The following FNBP1L variants were observed in gnomAD, a reference collection of about 807,000 sequenced individuals.
The protein encoded by FNBP1L is formin-binding protein 1-like.
In FNBP1L, 36 loss-of-function variants were observed where a neutral mutation model predicts 91.2. The ratio of observed to expected loss-of-function variants is 0.39; its 90% CI spans 0.30 to 0.52. The LOEUF (loss-of-function observed/expected upper bound fraction) is 0.52, where lower values mean the gene tolerates loss of function less well. FNBP1L is among the 20% of genes least tolerant of loss of function. The pLI, the probability that FNBP1L is intolerant of heterozygous loss-of-function variation, is 0.66. For synonymous variants in FNBP1L, 242 were observed against 237.0 expected (o/e 1.02, Z -0.19); for missense variants, 571 against 732.1 (o/e 0.78, Z 2.54).
intron 12 of FNBP1L, among the ~76,000 whole-genome samples, chr1:93,545,894 A>C (rs1207790484): frequency 6.6e-6 from 1 of 152,130 alleles, no homozygotes; most frequent in African/African-American, 2.4e-5. Flanking sequence ...TAATTGCAAC[A>C]ATAAGAAAAA....
chr1:93,551,551 T>G, intron 16 of FNBP1L: 1 of 985,702 alleles, frequency 1.0e-6, no homozygotes. Context: ...GAGTGGTTTC[T>G]TCTAGAAGTT....
chr1:93,549,560 G>T, intron 15 of FNBP1L, 134 bp downstream of exon 15: 1 of 677,758 alleles, frequency 1.5e-6, no homozygotes, highest in Non-Finnish European at 2.3e-6. Flanking sequence ...TCTTTAGTAT[G>T]CATACTTTTG....
At chr1:93,514,428 A>G (rs1266124732) in intron 2 of FNBP1L, among the ~76,000 whole-genome samples, 3 of 151,356 alleles carry the variant, frequency 2.0e-5, no homozygotes, top group Non-Finnish European at 4.4e-5. Flanking sequence ...TTTAAAGTTC[A>G]TATGGAACCA....
intron 12 of FNBP1L, among the ~76,000 whole-genome samples, chr1:93,546,192 A>G (rs1672228511): frequency 1.3e-5 from 2 of 152,110 alleles, no homozygotes; most frequent in East Asian, 3.9e-4. Flanking sequence ...GGAGATTGTG[A>G]GAAAGCAGAG....
chr1:93,472,676 T>C (rs978281683), intron 1 of FNBP1L, among the ~76,000 whole-genome samples: 1 of 151,660 alleles, frequency 6.6e-6, no homozygotes, highest in African/African-American at 2.4e-5. Flanking sequence ...GCCAGGCGTG[T>C]TGGCGGGCGC....
At chr1:93,475,403 G>T (rs957632160) in intron 1 of FNBP1L, among the ~76,000 whole-genome samples, 1 of 152,088 alleles carries the variant, frequency 6.6e-6, no homozygotes, top group African/African-American at 2.4e-5. Flanking sequence ...ATTAGGCAGG[G>T]TGGTGCGTGC....
intron 5 of FNBP1L, among the ~76,000 whole-genome samples, chr1:93,528,033 C>T (rs1056241545): frequency 5.3e-5 from 8 of 152,016 alleles, no homozygotes; most frequent in Middle Eastern, 3.4e-3. Context: ...ATAAATACCC[C>T]AGTAGAGCAA....
At chr1:93,486,796 C>T (rs772018030) in intron 1 of FNBP1L, among the ~76,000 whole-genome samples, 13 of 152,212 alleles carry the variant, frequency 8.5e-5, no homozygotes, top group Non-Finnish European at 1.8e-4. Flanking sequence ...ATGCTCTTAG[C>T]AAAGGCTCAG....
At chr1:93,522,747 C>T (rs767474190) in intron 3 of FNBP1L, among the ~76,000 whole-genome samples, 3 of 152,038 alleles carry the variant, frequency 2.0e-5, no homozygotes, top group Admixed American at 6.6e-5. Context: ...GAGAGTGTTC[C>T]GCAGTATGTT....
chr1:93,517,430 G>A (rs1671166937), intron 2 of FNBP1L, among the ~76,000 whole-genome samples: 2 of 152,080 alleles, frequency 1.3e-5, no homozygotes, highest in Admixed American at 1.3e-4. Flanking sequence ...GGCCCCAAGG[G>A]ATCCTCCCAC....
At chr1:93,505,698 T>C (rs1188630238) in intron 2 of FNBP1L, among the ~76,000 whole-genome samples, 1 of 152,208 alleles carries the variant, frequency 6.6e-6, no homozygotes, top group African/African-American at 2.4e-5. Context: ...TAAATTTTGC[T>C]TCTAAGAGAA....
intron 1 of FNBP1L, among the ~76,000 whole-genome samples, chr1:93,464,535 G>T (rs145901682): frequency 1.2e-3 from 178 of 152,040 alleles, no homozygotes; most frequent in Middle Eastern, 3.4e-3. Flanking sequence ...TCTTTTTACA[G>T]ATTTTTTCAA....
At position 93,484,629 on chromosome 1, in the gene FNBP1L, G is replaced by A. The variant is rs114128834; in HGVS notation, c.25-14839G>A. On this transcript the variant is annotated intron_variant, in intron 1 of 16. Coordinates refer to ENST00000271234, the MANE Select transcript of FNBP1L (RefSeq NM_001164473.3). ...TTGGTGTGAGGGTAGAGGAACTCCT[G>A]GCAGGAAGTAGTCTAGGTTGGTAGG... Among the ~76,000 whole-genome samples, 776 of 152,314 alleles carry A rather than the reference G, an allele frequency of 5.1e-3. 3 individuals are homozygous for A. Among genetic ancestry groups the A allele is most frequent in the Middle Eastern group, 0.017 (5 of 294 alleles).
chr1:93,449,272 C>T (rs547354864), intron 1 of FNBP1L, among the ~76,000 whole-genome samples: 8 of 149,506 alleles, frequency 5.4e-5, no homozygotes, highest in African/African-American at 2.0e-4. Flanking sequence ...GCAGTGATTT[C>T]TCAGGTGCGG....
At chr1:93,514,614 C>G (rs976782280) in intron 2 of FNBP1L, among the ~76,000 whole-genome samples, 2 of 152,190 alleles carry the variant, frequency 1.3e-5, no homozygotes, top group African/African-American at 4.8e-5. Flanking sequence ...AATAACGCCG[C>G]ATGTCTACAG....
At chr1:93,449,430 G>T (rs1013647943) in intron 1 of FNBP1L, among the ~76,000 whole-genome samples, 6 of 152,214 alleles carry the variant, frequency 3.9e-5, no homozygotes, top group Non-Finnish European at 7.3e-5. Context: ...TGAAATCACT[G>T]CAGAGAAAGG....
intron 2 of FNBP1L, among the ~76,000 whole-genome samples, chr1:93,504,705 C>T (rs923112012): frequency 6.6e-6 from 1 of 152,168 alleles, no homozygotes; most frequent in African/African-American, 2.4e-5. Flanking sequence ...CCCTGTGGTT[C>T]TGACTTGCAT....
At chr1:93,455,012 T>C (rs1223176506) in intron 1 of FNBP1L, among the ~76,000 whole-genome samples, 1 of 152,204 alleles carries the variant, frequency 6.6e-6, no homozygotes, top group Non-Finnish European at 1.5e-5. Context: ...CACTGCAAGC[T>C]CTGCCTCATG....
intron 1 of FNBP1L, among the ~76,000 whole-genome samples, chr1:93,487,667 C>G (rs1570794102): frequency 6.6e-6 from 1 of 152,254 alleles, no homozygotes; most frequent in East Asian, 1.9e-4. Context: ...GCCATAAACG[C>G]CCTGAATTCA....
Sources: gnomAD v4.1 joint callset for allele counts (sites outside exome capture counted in the v4.1 genomes callset) on GRCh38, gnomAD v4.1.1 for gene constraint, MANE v1.5 for transcripts, NCBI Gene and HGNC (gene_info 2026-07-23, HGNC 2026-07-21) for gene names.